MADCAM1: variants seen among roughly 807,000 people sequenced by gnomAD.
The protein encoded by MADCAM1 is mucosal vascular addressin cell adhesion molecule 1.
In MADCAM1, 19 loss-of-function variants were observed where a neutral mutation model predicts 26.1. The observed-to-expected ratio is 0.73, with a 90% CI of 0.51 to 1.07. The LOEUF is 1.07. Among genes scored for constraint, MADCAM1 ranks in the 50% least tolerant of loss-of-function variants. The pLI is 0.00. For synonymous variants in MADCAM1, 268 were observed against 260.9 expected, an observed-to-expected ratio of 1.03 and a Z score of -0.26; for missense variants, 514 against 542.1, an observed-to-expected ratio of 0.95 and a Z score of 0.51.
At chr19:499,372 G>C (rs919931032) in intron 3 of MADCAM1, 22 of 456,446 alleles carry the variant, frequency 4.8e-5, no homozygotes, top group South Asian at 3.4e-4. Context: ...GTCAACCCCT[G>C]ATCCCCAACG....
intron 3 of MADCAM1, chr19:500,037 A>T (rs1365951475): frequency 8.8e-6 from 4 of 454,564 alleles, no homozygotes; most frequent in Non-Finnish European, 1.8e-5. Flanking sequence ...GATTTGAGGG[A>T]TATTTTACAG....
chr19:497,939 C>A lies in MADCAM1; in HGVS notation c.159C>A (p.Asp53Glu), dbSNP rs1600384242. The A allele has an allele frequency of 1.4e-6, 2 of 1,428,536 alleles. No individual in the cohort carries two copies. The highest frequency in any genetic ancestry group is 6.0e-5 in the East Asian group (2 of 33,492). 88.5% of individuals were successfully genotyped at this position (1,428,536 alleles called of 1,614,324 possible). A position where few individuals can be genotyped will look rare whatever the true frequency, so the allele number is the denominator to read the frequency against. ...TCACCTGCCGCCTGGCCTGCGCGGACCGCGGGGCCTCGGTGCAGTGGCGGG... is the reference window on the plus strand; with the variant it reads ...TCACCTGCCGCCTGGCCTGCGCGGAACGCGGGGCCTCGGTGCAGTGGCGGG... ...RQLTCRLACADRGASVQWRGL... is the reference protein window; with the variant it reads ...RQLTCRLACAERGASVQWRGL... Residue 53 changes from aspartate (D) to glutamate (E), a missense_variant, in exon 2 of 5, where the codon GAC becomes GAA. Coordinates refer to ENST00000215637, the MANE Select transcript of MADCAM1 (RefSeq NM_130760.3).
chr19:503,596 TA>T (rs1466598888), intron 4 of MADCAM1, among the ~76,000 whole-genome samples: 1 of 91,062 alleles, frequency 1.1e-5, no homozygotes, highest in African/African-American at 4.2e-5. Context: ...AAAAAAAAAT[TA>T]AAAGTAAAAA....
intron 4 of MADCAM1, among the ~76,000 whole-genome samples, chr19:503,987 G>C (rs201290976): frequency 6.6e-6 from 1 of 151,742 alleles, no homozygotes; most frequent in Non-Finnish European, 1.5e-5. Flanking sequence ...CCCGGGAGGC[G>C]GAAGTGGCAG....
At chr19:501,967 G>T in intron 4 of MADCAM1, 38 bp downstream of exon 4, 1 of 1,454,282 alleles carries the variant, frequency 6.9e-7, no homozygotes, top group Middle Eastern at 2.4e-4. Flanking sequence ...GGGTGGGAAG[G>T]GCTGAGAGCG....
intron 3 of MADCAM1, chr19:499,301 C>G (rs536841749): frequency 2.2e-6 from 1 of 458,746 alleles, no homozygotes; most frequent in African/African-American, 2.0e-5. Flanking sequence ...TCCTCCTCCC[C>G]CTCAGGTCTC....
chr19:497,888 C>G lies in MADCAM1; in HGVS notation c.108C>G (p.Ala36=). 7.4e-7 allele frequency: 1 copy of G among 1,358,800 alleles called. No homozygotes were observed. Among genetic ancestry groups the G allele is most frequent in the Non-Finnish European group, 9.4e-7 (1 of 1,063,190 alleles). The allele number at this position is 1,358,800 out of a possible 1,614,324, so 84.2% of individuals were successfully genotyped here. ...LQVEPPEPVV[A]VALGASRQLT... is the part of the protein sequence containing the mutation. ...TGGAGCCCCCGGAGCCGGTGGTGGC[C>G]GTGGCCTTGGGCGCCTCGCGCCAGC... Residue 36 remains alanine (A), a synonymous_variant, in exon 2 of 5, where the codon GCC becomes GCG. Coordinates refer to ENST00000215637, the MANE Select transcript of MADCAM1 (RefSeq NM_130760.3).
At chr19:502,671 C>G (rs1228030237) in intron 4 of MADCAM1, among the ~76,000 whole-genome samples, 4 of 152,316 alleles carry the variant, frequency 2.6e-5, no homozygotes, top group Non-Finnish European at 5.9e-5. Flanking sequence ...AAATTTAATT[C>G]TCTCAGCAAG....
intron 4 of MADCAM1, among the ~76,000 whole-genome samples, chr19:503,349 A>G (rs1325607605): frequency 6.6e-6 from 1 of 151,492 alleles, no homozygotes; most frequent in Admixed American, 6.6e-5. Context: ...TGGGAGGCCA[A>G]GGCGGGCGGA....
At chr19:499,764 C>A (rs1978309928) in intron 3 of MADCAM1, 6 of 455,836 alleles carry the variant, frequency 1.3e-5, no homozygotes, top group South Asian at 9.3e-5. Flanking sequence ...TAAACCCTTG[C>A]TGAATGCTCG....
At chr19:497,706 G>A (rs1339365211) in intron 1 of MADCAM1, 127 bp from the exon 2 acceptor site, 4 of 751,570 alleles carry the variant, frequency 5.3e-6, no homozygotes, top group African/African-American at 3.7e-5. Flanking sequence ...GGGTCCGGGG[G>A]TGCAGCGGAG....
chr19:499,175 C>A, intron 3 of MADCAM1: 1 of 517,312 alleles, frequency 1.9e-6, no homozygotes, highest in South Asian at 1.5e-5. Context: ...GCCACACGGG[C>A]CTCCTCGCCT....
At chr19:497,231 G>A (rs1313587568) in intron 1 of MADCAM1, among the ~76,000 whole-genome samples, 13 of 54,950 alleles carry the variant, frequency 2.4e-4, no homozygotes, top group African/African-American at 1.1e-3. Flanking sequence ...ACTCAGGAGA[G>A]AGGAGGGGGC....
In MADCAM1 at chr19:497,898, G is replaced by T; in HGVS notation, c.118G>T (p.Gly40Cys). ...PPEPVVAVAL[G>C]ASRQLTCRLA... ...GGAGCCGGTGGTGGCCGTGGCCTTGGGCGCCTCGCGCCAGCTCACCTGCCG... is the reference window on the plus strand; with the variant it reads ...GGAGCCGGTGGTGGCCGTGGCCTTGTGCGCCTCGCGCCAGCTCACCTGCCG... Residue 40 changes from glycine to cysteine, a missense_variant, in exon 2 of 5, where the codon GGC (glycine) becomes TGC (cysteine). Physicochemically the swap from Gly to Cys is radical, Grantham distance 159. Transcript: ENST00000215637. The T allele has an allele frequency of 1.5e-6, 2 of 1,366,634 alleles. No individual in the cohort carries two copies. Among genetic ancestry groups the T allele is most frequent in the Non-Finnish European group, 1.9e-6 (2 of 1,067,326 alleles). The allele number at this position is 1,366,634 out of a possible 1,614,324, so 84.7% of individuals were successfully genotyped here.
In MADCAM1 at chr19:504,980, C is replaced by T. The variant is rs779800333; in HGVS notation, c.*15C>T. On this transcript the variant is annotated 3_prime_UTR_variant, in exon 5 of 5. Transcript: ENST00000215637. ...GCCCCTCCTGAGTGGCCAGCCTTTC[C>T]CCCTGTGAAAGCAAAATAGCTTGGA... 2.6e-6 allele frequency: 4 copies of T among 1,566,832 alleles called. No individual in the cohort carries two copies. In the South Asian group the frequency reaches 4.5e-5, roughly 18 times the overall value.
chr19:498,001 C>T lies in MADCAM1; in HGVS notation c.221C>T (p.Thr74Met). The T allele has an allele frequency of 2.0e-6, 3 of 1,503,294 alleles. No homozygotes were observed. The highest frequency in any genetic ancestry group is 2.9e-5 in the African/African-American group (2 of 70,114). 93.1% of individuals were successfully genotyped at this position (1,503,294 alleles called of 1,614,324 possible). A position where few individuals can be genotyped will look rare whatever the true frequency, so the allele number is the denominator to read the frequency against. ...AGCCTGGGCGCGGTGCAGTCGGACA[C>T]GGGCCGCAGCGTCCTCACCGTGCGC... Reference protein sequence around the residue: ...DTSLGAVQSDTGRSVLTVRNA... With the variant: ...DTSLGAVQSDMGRSVLTVRNA... The change falls in exon 2 of 5, where the codon ACG (threonine) becomes ATG (methionine). Residue 74 changes from threonine (T) to methionine (M), a missense_variant. Thr to Met is a moderately conservative substitution (Grantham distance 81). Around this residue, in one of 3 missense-constraint regions of MADCAM1, gnomAD observed 317 missense variants for 313.6 expected, o/e 1.01. Coordinates refer to ENST00000215637, the MANE Select transcript of MADCAM1 (RefSeq NM_130760.3).
rs761835802 is a variant in MADCAM1, at chr19:498,137, C to T, written c.337+20C>T. The T allele has an allele frequency of 2.4e-5, 32 of 1,313,186 alleles. No homozygotes were observed. Among genetic ancestry groups the T allele is most frequent in the Non-Finnish European group, 2.9e-5 (30 of 1,031,764 alleles). The allele number at this position is 1,313,186 out of a possible 1,614,324, so 81.3% of individuals were successfully genotyped here. ...TGTACGGTGAGGCGTCCCCCCGCGCCCTGCCTCTCTGACCCTTGGACTCCC... is the reference window on the plus strand; with the variant it reads ...TGTACGGTGAGGCGTCCCCCCGCGCTCTGCCTCTCTGACCCTTGGACTCCC... On this transcript the variant is annotated intron_variant, in intron 2 of 4. Coordinates refer to ENST00000215637, the MANE Select transcript of MADCAM1 (RefSeq NM_130760.3).
At position 504,996 on chromosome 19, in the gene MADCAM1, A is replaced by G; in HGVS notation, c.*31A>G. ...CAGCCTTTCCCCCTGTGAAAGCAAA[A>G]TAGCTTGGACCCCTTCAAGTTGAGA... On this transcript the variant is annotated 3_prime_UTR_variant, in exon 5 of 5. Coordinates refer to ENST00000215637, the MANE Select transcript of MADCAM1 (RefSeq NM_130760.3). 1 of 1,523,490 alleles carries G rather than the reference A, an allele frequency of 6.6e-7. No homozygotes were observed. Among genetic ancestry groups the G allele is most frequent in the Non-Finnish European group, 8.9e-7 (1 of 1,120,774 alleles). The allele number at this position is 1,523,490 out of a possible 1,614,324, so 94.4% of individuals were successfully genotyped here.
rs113534319 is a variant in MADCAM1 at position 501,843 on chromosome 19, C to T, written c.842C>T (p.Thr281Ile). The T allele has an allele frequency of 1.9e-5, 29 of 1,557,072 alleles. 1 individual carries two copies. The highest frequency in any genetic ancestry group is 2.4e-5 in the Non-Finnish European group (28 of 1,151,154). Residue 281 changes from threonine to isoleucine, a missense_variant, in exon 4 of 5, where the codon ACC (threonine) becomes ATC (isoleucine). Thr to Ile is a moderately conservative substitution (Grantham distance 89). Coordinates refer to ENST00000215637, the MANE Select transcript of MADCAM1 (RefSeq NM_130760.3). ...EPAPQQGSTHTPRSPGSTRTR... is the reference protein window; with the variant it reads ...EPAPQQGSTHIPRSPGSTRTR... Reference sequence around the variant, plus strand: ...GCCCCCCAGCAGGGCTCCACACACACCCCCAGGAGCCCAGGCTCCACCAGG... The same window carrying T: ...GCCCCCCAGCAGGGCTCCACACACATCCCCAGGAGCCCAGGCTCCACCAGG...
Sources: allele counts gnomAD v4.1 joint callset (sites outside exome capture counted in the v4.1 genomes callset), GRCh38; gene constraint gnomAD v4.1.1; regional missense constraint gnomAD v4.1.1; transcripts MANE v1.5; gene names NCBI Gene and HGNC (gene_info 2026-07-23, HGNC 2026-07-21).